ESR1: variants seen among roughly 807,000 people sequenced by gnomAD.
ESR1 encodes estrogen receptor.
ESR1 carries 12 observed loss-of-function variants against 52.7 expected under a neutral mutation model. That is an observed-to-expected ratio of 0.23 (90% CI 0.15 to 0.37). ESR1 has a LOEUF of 0.37. ESR1 is among the 10% of genes least tolerant of loss of function. ESR1 has a pLI of 1.00. For synonymous variants in ESR1, 305 were observed against 316.8 expected, an observed-to-expected ratio of 0.96 and a Z score of 0.39; for missense variants, 584 against 779.7, an observed-to-expected ratio of 0.75 and a Z score of 2.99.
intron 4 of ESR1, among the ~76,000 whole-genome samples, chr6:151,957,102 C>T (rs192137306): frequency 0.011 from 1,714 of 151,858 alleles, 40 homozygotes; most frequent in African/African-American, 0.04. Context: ...TGGTCTCGAT[C>T]TCCTGACCTC....
chr6:151,749,104 C>T (rs902115958), intron 2 of ESR1, among the ~76,000 whole-genome samples: 5 of 141,018 alleles, frequency 3.5e-5, no homozygotes, highest in African/African-American at 1.3e-4. Flanking sequence ...AAGTATTATA[C>T]AATAAGCTGT....
At chr6:151,975,840 A>T (rs1049654615) in intron 4 of ESR1, among the ~76,000 whole-genome samples, 2 of 152,330 alleles carry the variant, frequency 1.3e-5, no homozygotes, top group Non-Finnish European at 1.5e-5. Context: ...ACAATCTGTC[A>T]TTATAGTCTT....
intron 3 of ESR1, among the ~76,000 whole-genome samples, chr6:151,887,289 G>A (rs1794015508): frequency 6.6e-6 from 1 of 151,714 alleles, no homozygotes; most frequent in Non-Finnish European, 1.5e-5. Flanking sequence ...GTTGTTTTAA[G>A]CAGTAATCTA....
At chr6:152,070,885 T>C (rs1453389015) in intron 6 of ESR1, among the ~76,000 whole-genome samples, 1 of 139,200 alleles carries the variant, frequency 7.2e-6, no homozygotes, top group Non-Finnish European at 1.5e-5. Context: ...ATTTTTCTTC[T>C]GGCATATAAG....
rs2050766818 is a variant in ESR1 at position 152,098,051 on chromosome 6, T to G, written c.1554-681T>G. Among the ~76,000 whole-genome samples, 2 of 152,062 alleles carry G rather than the reference T, an allele frequency of 1.3e-5. No individual in the cohort carries two copies. Among genetic ancestry groups the G allele is most frequent in the Non-Finnish European group, 1.5e-5 (1 of 67,992 alleles). Reference sequence around the variant, plus strand: ...CGGCATTTGAAGACCGGAGGAAGGTTCATCCCAGCAAGTAGGAACAGCAAG... The same window carrying G: ...CGGCATTTGAAGACCGGAGGAAGGTGCATCCCAGCAAGTAGGAACAGCAAG... On this transcript the variant is annotated intron_variant, in intron 7 of 7. Transcript: ENST00000206249. The surrounding 1 kb of genome is among the most constrained non-coding windows in gnomAD (Gnocchi z 5.1).
intron 2 of ESR1, among the ~76,000 whole-genome samples, chr6:151,854,941 T>C (rs9340822): frequency 0.069 from 10,472 of 152,294 alleles, 781 homozygotes; most frequent in East Asian, 0.24. Flanking sequence ...AGAGACGCAG[T>C]CTTTCTCTGT....
chr6:152,107,626 T>A (rs1488551258), downstream of ESR1, among the ~76,000 whole-genome samples: 1 of 152,226 alleles, frequency 6.6e-6, no homozygotes. Flanking sequence ...ACCTCTGCTA[T>A]TCCTGATTGT....
chr6:151,794,143 T>C (rs1776467515), intron 2 of ESR1, among the ~76,000 whole-genome samples: 1 of 152,232 alleles, frequency 6.6e-6, no homozygotes, highest in Admixed American at 6.5e-5. Flanking sequence ...TTTCTCCTAA[T>C]ATGAAAACAA....
intron 2 of ESR1, among the ~76,000 whole-genome samples, chr6:151,860,952 T>C (rs1788771123): frequency 6.6e-6 from 1 of 152,216 alleles, no homozygotes; most frequent in African/African-American, 2.4e-5. Context: ...GGAGGTCATG[T>C]ATCCTTGGGC....
At chr6:152,020,104 C>G (rs977101537) in intron 5 of ESR1, among the ~76,000 whole-genome samples, 10 of 152,196 alleles carry the variant, frequency 6.6e-5, no homozygotes, top group Admixed American at 6.5e-4. Flanking sequence ...GTATCTTCCT[C>G]CATCACTTTC....
At chr6:151,739,165 T>C (rs1221343135) in intron 2 of ESR1, among the ~76,000 whole-genome samples, 1 of 152,216 alleles carries the variant, frequency 6.6e-6, no homozygotes, top group Non-Finnish European at 1.5e-5. Context: ...AGGTTAAGTT[T>C]CTTAGTCTTG....
intron 2 of ESR1, among the ~76,000 whole-genome samples, chr6:151,728,932 A>G (rs1782040979): frequency 6.6e-6 from 1 of 152,274 alleles, no homozygotes; most frequent in South Asian, 2.1e-4. Flanking sequence ...GCATGTAGAT[A>G]AAACCTAATT....
chr6:151,740,513 G>A (rs1355046326), intron 2 of ESR1, among the ~76,000 whole-genome samples: 1 of 151,664 alleles, frequency 6.6e-6, no homozygotes, highest in African/African-American at 2.4e-5. Flanking sequence ...CTGACAAAAT[G>A]GCTCTCACCT....
chr6:151,881,153 C>T (rs1468160046), intron 3 of ESR1, among the ~76,000 whole-genome samples: 1 of 152,146 alleles, frequency 6.6e-6, no homozygotes, highest in African/African-American at 2.4e-5. Flanking sequence ...TAAACTTTCC[C>T]TAAATTGAGA....
rs536433455 is a variant in ESR1, at chr6:152,052,076, G to A, written c.1236-8915G>A. 4.3e-4 allele frequency among the ~76,000 whole-genome samples: 66 copies of A among 152,326 alleles called. 1 individual carries two copies. Among genetic ancestry groups the A allele is most frequent in the Admixed American group, 4.3e-3 (66 of 15,296 alleles). On this transcript the variant is annotated intron_variant, in intron 5 of 7. Transcript: ENST00000206249. ...AGCATGGCGCCAGCATCTACTTCTG[G>A]TGAGGCCTGAAGCAGCTTTTACTCA...
At chr6:151,887,834 G>A (rs574188940) in intron 3 of ESR1, among the ~76,000 whole-genome samples, 4 of 151,974 alleles carry the variant, frequency 2.6e-5, no homozygotes, top group Non-Finnish European at 5.9e-5. Context: ...TAACATTTAA[G>A]TCTTTAATCC....
intron 6 of ESR1, among the ~76,000 whole-genome samples, chr6:152,089,207 T>C (rs779576738): frequency 3.3e-4 from 50 of 152,206 alleles, no homozygotes; most frequent in Non-Finnish European, 5.9e-4. Context: ...AATATGTACA[T>C]TGCACAAAAA....
chr6:151,862,961 CA>C (rs1789164127), intron 2 of ESR1, among the ~76,000 whole-genome samples: 1 of 151,740 alleles, frequency 6.6e-6, no homozygotes, highest in Non-Finnish European at 1.5e-5. Context: ...TAAAAAAAAA[CA>C]GCAAATGAAT....
chr6:151,893,190 CA>C (rs997025023), intron 3 of ESR1, among the ~76,000 whole-genome samples: 3 of 150,568 alleles, frequency 2.0e-5, no homozygotes, highest in East Asian at 2.0e-4. Context: ...GACTCTGTCT[CA>C]AAAAAAAATT....
Sources: allele counts gnomAD v4.1 joint callset (sites outside exome capture counted in the v4.1 genomes callset), GRCh38; gene constraint gnomAD v4.1.1; non-coding constraint Gnocchi (gnomAD v3.1); transcripts MANE v1.5; gene names NCBI Gene and HGNC (gene_info 2026-07-23, HGNC 2026-07-21).